Variants in DCC observed in about 807,000 individuals in gnomAD.
DCC encodes DCC netrin 1 receptor.
In DCC, 58 loss-of-function variants were observed where a neutral mutation model predicts 172.5. That is an observed-to-expected ratio of 0.34 (90% CI 0.27 to 0.42). The LOEUF is 0.42. Ranked by LOEUF, DCC falls within the 10% of genes least tolerant of loss-of-function variation. The probability of loss-of-function intolerance (pLI) is 1.00; values close to 1 mark genes in which losing one functional copy is unlikely to be tolerated. For synonymous variants in DCC, 709 were observed against 644.5 expected, an observed-to-expected ratio of 1.10 and a Z score of -1.52; for missense variants, 1,740 against 1,791.0, an observed-to-expected ratio of 0.97 and a Z score of 0.51.
At chr18:52,447,172 T>C (rs968544147) in intron 1 of DCC, among the ~76,000 whole-genome samples, 1 of 152,052 alleles carries the variant, frequency 6.6e-6, no homozygotes, top group Non-Finnish European at 1.5e-5. Flanking sequence ...AACAAGAAAA[T>C]ATGGCACCTT....
intron 7 of DCC, among the ~76,000 whole-genome samples, chr18:53,067,204 T>G (rs2042583794): frequency 6.6e-6 from 1 of 152,130 alleles, no homozygotes; most frequent in Non-Finnish European, 1.5e-5. Context: ...TTTTGGAAGC[T>G]TAATATATTG....
intron 12 of DCC, among the ~76,000 whole-genome samples, chr18:53,287,509 A>G (rs952105209): frequency 6.6e-6 from 1 of 152,294 alleles, no homozygotes; most frequent in African/African-American, 2.4e-5. Flanking sequence ...TACTTTGGGA[A>G]GGAACTGCTG....
At chr18:52,859,967 T>G (rs2039114305) in intron 2 of DCC, among the ~76,000 whole-genome samples, 1 of 152,200 alleles carries the variant, frequency 6.6e-6, no homozygotes, top group Non-Finnish European at 1.5e-5. Flanking sequence ...AATAAATACA[T>G]TATTCCATAT....
intron 1 of DCC, among the ~76,000 whole-genome samples, chr18:52,379,812 T>C (rs975492059): frequency 6.6e-6 from 1 of 152,212 alleles, no homozygotes; most frequent in South Asian, 2.1e-4. Flanking sequence ...TAGGAATCTC[T>C]GTCTCTTACC....
chr18:53,280,495 G>T (rs1232361543), intron 12 of DCC, among the ~76,000 whole-genome samples: 3 of 152,066 alleles, frequency 2.0e-5, no homozygotes, highest in African/African-American at 7.2e-5. Context: ...ATTTCTTTGA[G>T]AAGTTTTTTG....
intron 22 of DCC, among the ~76,000 whole-genome samples, chr18:53,443,211 A>G (rs1365478224): frequency 6.6e-6 from 1 of 152,196 alleles, no homozygotes; most frequent in African/African-American, 2.4e-5. Flanking sequence ...CAAAGTTTCA[A>G]AGGACAGGCT....
chr18:52,812,634 T>C (rs1277345666), intron 2 of DCC, among the ~76,000 whole-genome samples: 2 of 152,228 alleles, frequency 1.3e-5, no homozygotes, highest in African/African-American at 4.8e-5. Flanking sequence ...ATAGATACTA[T>C]TTATTTTCAA....
intron 1 of DCC, among the ~76,000 whole-genome samples, chr18:52,747,100 A>G (rs113003713): frequency 6.6e-6 from 1 of 152,140 alleles, no homozygotes; most frequent in African/African-American, 2.4e-5. Context: ...TTTCAACCAA[A>G]ATTTAGAAAT....
chr18:52,359,825 T>A (rs1307626937), intron 1 of DCC, among the ~76,000 whole-genome samples: 1 of 152,194 alleles, frequency 6.6e-6, no homozygotes, highest in Non-Finnish European at 1.5e-5. Flanking sequence ...CCATATTATT[T>A]TTTTCCTCAC....
intron 12 of DCC, 38 bp downstream of exon 12, chr18:53,215,635 A>G (rs368540451): frequency 3.3e-5 from 51 of 1,524,496 alleles, no homozygotes; most frequent in Non-Finnish European, 4.5e-5. Context: ...ATTACCTATC[A>G]AGATTACCTA....
intron 1 of DCC, among the ~76,000 whole-genome samples, chr18:52,573,349 C>T (rs2033343476): frequency 6.6e-6 from 1 of 152,226 alleles, no homozygotes; most frequent in Admixed American, 6.5e-5. Context: ...TGTCCTCAGC[C>T]TTTAAGTTGC....
intron 2 of DCC, among the ~76,000 whole-genome samples, chr18:52,901,297 G>T (rs1277262010): frequency 1.3e-5 from 2 of 152,040 alleles, no homozygotes; most frequent in Non-Finnish European, 2.9e-5. Flanking sequence ...GCTGGGCATG[G>T]TGGCATGCAC....
intron 1 of DCC, among the ~76,000 whole-genome samples, chr18:52,584,667 C>T (rs1239006996): frequency 2.0e-5 from 3 of 152,030 alleles, no homozygotes; most frequent in Non-Finnish European, 4.4e-5. Flanking sequence ...TCCTGAGGAG[C>T]TGGGACTACA....
At chr18:53,270,256 G>T (rs1446215998) in intron 12 of DCC, among the ~76,000 whole-genome samples, 1 of 152,134 alleles carries the variant, frequency 6.6e-6, no homozygotes, top group Non-Finnish European at 1.5e-5. Context: ...CTGGCTCCAA[G>T]AATGCTTTTG....
chr18:52,941,986 T>G (rs1166391984), intron 5 of DCC, among the ~76,000 whole-genome samples: 1 of 152,134 alleles, frequency 6.6e-6, no homozygotes, highest in Non-Finnish European at 1.5e-5. Context: ...TTTCACCATG[T>G]TAGCCAGGGT....
At chr18:52,380,882 T>G (rs1241340845) in intron 1 of DCC, among the ~76,000 whole-genome samples, 1 of 152,150 alleles carries the variant, frequency 6.6e-6, no homozygotes, top group East Asian at 1.9e-4. Context: ...AATGAAAGAT[T>G]CTTCTTTAGT....
chr18:53,252,404 G>A (rs2056449091), intron 12 of DCC, among the ~76,000 whole-genome samples: 1 of 151,922 alleles, frequency 6.6e-6, no homozygotes, highest in African/African-American at 2.4e-5. Context: ...GGTGGTTCAT[G>A]TGACAGTATG....
chr18:52,925,554 T>A (rs571315873), intron 5 of DCC, among the ~76,000 whole-genome samples, 184 bp downstream of exon 5: 1 of 152,156 alleles, frequency 6.6e-6, no homozygotes, highest in African/African-American at 2.4e-5. Flanking sequence ...AATGTTTGAA[T>A]ACTTATTAAT....
intron 13 of DCC, among the ~76,000 whole-genome samples, chr18:53,318,701 C>A (rs995573703): frequency 2.0e-5 from 3 of 148,700 alleles, no homozygotes; most frequent in African/African-American, 7.4e-5. Flanking sequence ...ATAGTTAGCT[C>A]TTCTTGTTTC....
Sources: gnomAD v4.1 joint callset for allele counts (sites outside exome capture counted in the v4.1 genomes callset) on GRCh38, gnomAD v4.1.1 for gene constraint, MANE v1.5 for transcripts, NCBI Gene and HGNC (gene_info 2026-07-23, HGNC 2026-07-21) for gene names.